PRIM2: variants seen among roughly 807,000 people sequenced by gnomAD.
PRIM2 encodes DNA primase large subunit.
Under a neutral mutation model 67.3 loss-of-function variants are expected in PRIM2, and 39 were observed. The ratio of observed to expected loss-of-function variants is 0.58; its 90% CI spans 0.45 to 0.76. PRIM2 has a LOEUF of 0.76. Ranked by LOEUF, PRIM2 falls within the 30% of genes least tolerant of loss-of-function variation. PRIM2 has a pLI of 0.00. For synonymous variants in PRIM2, 143 were observed against 198.7 expected (o/e 0.72, Z 2.36); for missense variants, 398 against 598.7 (o/e 0.66, Z 3.50).
chr6:57,476,554 T>C (rs1439664716), intron 7 of PRIM2, among the ~76,000 whole-genome samples: 1 of 152,206 alleles, frequency 6.6e-6, no homozygotes. Context: ...ATTAATGTTA[T>C]ATAATATTAT....
At chr6:57,453,132 T>G (rs1445783463) in intron 7 of PRIM2, among the ~76,000 whole-genome samples, 4 of 152,216 alleles carry the variant, frequency 2.6e-5, no homozygotes, top group African/African-American at 9.7e-5. Flanking sequence ...TCTGTTCTGT[T>G]CCATTAGTCT....
chr6:57,598,467 T>TC (rs1776407089), intron 10 of PRIM2, among the ~76,000 whole-genome samples: 1 of 152,176 alleles, frequency 6.6e-6, no homozygotes, highest in African/African-American at 2.4e-5. Flanking sequence ...TGTCCAAGAT[T>TC]CCACCAGTAT....
rs1286855682 is a variant in PRIM2 at position 57,488,873 on chromosome 6, C to T, written c.694-18514C>T. 2.9e-3 allele frequency among the ~76,000 whole-genome samples: 440 copies of T among 152,302 alleles called. 2 individuals carry two copies. The highest frequency in any genetic ancestry group is 5.3e-3 in the Admixed American group (81 of 15,300). On this transcript the variant is annotated intron_variant, in intron 7 of 13. Coordinates refer to ENST00000615550, the MANE Select transcript of PRIM2 (RefSeq NM_000947.5). ...ATCCCCTCGTGCTACAGATGAACAA[C>T]CCTGTTCTCTCCTTGCCAGATATAG...
intron 7 of PRIM2, among the ~76,000 whole-genome samples, chr6:57,386,414 T>A: frequency 2.8e-5 from 3 of 106,508 alleles, no homozygotes. Context: ...TGATACCCTG[T>A]CTCAAAAAAA....
chr6:57,408,102 C>T (rs199543693), intron 7 of PRIM2, among the ~76,000 whole-genome samples: 271 of 152,248 alleles, frequency 1.8e-3, no homozygotes, highest in African/African-American at 6.2e-3. Context: ...ACTTTGGATA[C>T]GTGTTGGTGA....
intron 13 of PRIM2, among the ~76,000 whole-genome samples, chr6:57,637,451 A>C (rs1273009734): frequency 3.3e-5 from 5 of 152,180 alleles, no homozygotes; most frequent in Non-Finnish European, 5.9e-5. Flanking sequence ...GGATAATAAC[A>C]ACCTCCTCCG....
At chr6:57,460,601 G>T in intron 7 of PRIM2, among the ~76,000 whole-genome samples, 1 of 149,674 alleles carries the variant, frequency 6.7e-6, no homozygotes, top group Admixed American at 6.6e-5. Flanking sequence ...CTGTCTTATG[G>T]CTGTCATCCT....
At chr6:57,433,420 T>G (rs546902250) in intron 7 of PRIM2, among the ~76,000 whole-genome samples, 2 of 125,658 alleles carry the variant, frequency 1.6e-5, no homozygotes, top group Admixed American at 9.5e-5. Context: ...CCCCAGAGTG[T>G]GATGTTCCCC....
intron 7 of PRIM2, among the ~76,000 whole-genome samples, chr6:57,430,551 A>T (rs79772973): frequency 0.018 from 2,640 of 143,030 alleles, 79 homozygotes; most frequent in African/African-American, 0.063. Context: ...CCTCCCAGGT[A>T]CTAGTGATTC....
chr6:57,332,989 T>C (rs1353391372), intron 5 of PRIM2, among the ~76,000 whole-genome samples: 1 of 152,194 alleles, frequency 6.6e-6, no homozygotes, highest in East Asian at 1.9e-4. Flanking sequence ...TATTTTCTAG[T>C]GTACCATTTT....
intron 7 of PRIM2, among the ~76,000 whole-genome samples, chr6:57,484,859 G>T (rs1773717372): frequency 6.6e-6 from 1 of 152,014 alleles, no homozygotes; most frequent in East Asian, 1.9e-4. Flanking sequence ...TCCCTTACCA[G>T]ATTGTTTTCA....
In PRIM2 at chr6:57,573,675, T is replaced by C. The variant is rs1562794661; in HGVS notation, c.1021-27418T>C. Among the ~76,000 whole-genome samples the C allele has an allele frequency of 2.6e-5, 4 of 152,200 alleles. No individual in the cohort carries two copies. In the South Asian group the frequency reaches 8.3e-4, roughly 31 times the overall value. ...AAAAGTTGTTTCATGTGATAATCTA[T>C]TCAGGTAAAGTATCCAGGTAAAATG... On this transcript the variant is annotated intron_variant, in intron 10 of 13. Coordinates refer to ENST00000615550, the MANE Select transcript of PRIM2 (RefSeq NM_000947.5).
the PRIM2 span, among the ~76,000 whole-genome samples, chr6:57,290,130 A>AG: frequency 6.6e-5 from 10 of 151,706 alleles, no homozygotes; most frequent in African/African-American, 1.9e-4. Context: ...ATAGAAAGAA[A>AG]AAAAAAAAAA....
chr6:57,456,618 C>T (rs1284594128), intron 7 of PRIM2, among the ~76,000 whole-genome samples: 1 of 152,118 alleles, frequency 6.6e-6, no homozygotes, highest in Non-Finnish European at 1.5e-5. Context: ...AGTTCTCGTG[C>T]CTTGGTTTTC....
chr6:57,513,417 A>C (rs1297596235), intron 8 of PRIM2, among the ~76,000 whole-genome samples: 1 of 149,994 alleles, frequency 6.7e-6, no homozygotes, highest in Non-Finnish European at 1.5e-5. Context: ...TGAAGTATAA[A>C]TAGGTACAAC....
intron 7 of PRIM2, among the ~76,000 whole-genome samples, chr6:57,444,180 TA>T (rs1355445695): frequency 6.6e-6 from 1 of 152,022 alleles, no homozygotes; most frequent in Non-Finnish European, 1.5e-5. Context: ...TCAAAGTATA[TA>T]TGTTGGTGGC....
At chr6:57,270,238 T>G in the PRIM2 span, among the ~76,000 whole-genome samples, 2 of 151,540 alleles carry the variant, frequency 1.3e-5, no homozygotes, top group Non-Finnish European at 2.9e-5. Context: ...GCCATTTTCA[T>G]GATATTGATT....
chr6:57,366,558 G>A (rs1326546034), intron 5 of PRIM2, among the ~76,000 whole-genome samples: 2 of 152,100 alleles, frequency 1.3e-5, no homozygotes, highest in South Asian at 4.1e-4. Flanking sequence ...GGATGCTGAC[G>A]ACTGTGAAAC....
intron 4 of PRIM2, 186 bp from the exon 5 acceptor site, chr6:57,325,739 A>G (rs955370780): frequency 1.2e-5 from 2 of 170,388 alleles, no homozygotes; most frequent in Non-Finnish European, 2.4e-5. Flanking sequence ...CTTGTACCCA[A>G]CCCATCCTTA....
Sources: allele counts gnomAD v4.1 joint callset (sites outside exome capture counted in the v4.1 genomes callset), GRCh38; gene constraint gnomAD v4.1.1; transcripts MANE v1.5; gene names NCBI Gene and HGNC (gene_info 2026-07-23, HGNC 2026-07-21).